The following TSG101 variants were observed in gnomAD, a reference collection of about 807,000 sequenced individuals.
TSG101 encodes tumor susceptibility 101.
TSG101 carries 19 observed loss-of-function variants against 48.5 expected under a neutral mutation model. The ratio of observed to expected loss-of-function variants is 0.39; its 90% confidence interval spans 0.27 to 0.58. The LOEUF is 0.58. Ranked by LOEUF, TSG101 falls within the 20% of genes least tolerant of loss-of-function variation. The pLI is 0.55. For synonymous variants in TSG101, 174 were observed against 169.4 expected (o/e 1.03, Z -0.21); for missense variants, 365 against 484.4 (o/e 0.75, Z 2.31).
intron 7 of TSG101, among the ~76,000 whole-genome samples, chr11:18,484,912 G>A (rs1407595623): frequency 2.1e-5 from 3 of 141,912 alleles, no homozygotes; most frequent in South Asian, 4.6e-4. Context: ...AGGACGTTAA[G>A]TATATTTAAC....
At chr11:18,498,145 C>T (rs1849813086) in intron 7 of TSG101, among the ~76,000 whole-genome samples, 2 of 151,972 alleles carry the variant, frequency 1.3e-5, no homozygotes, top group Admixed American at 1.3e-4. Context: ...GATCCATGCA[C>T]AGAAATAGGC....
chr11:18,519,180 T>C (rs1850228197), intron 2 of TSG101, among the ~76,000 whole-genome samples: 1 of 151,942 alleles, frequency 6.6e-6, no homozygotes, highest in Non-Finnish European at 1.5e-5. Flanking sequence ...CTTTAAGTAT[T>C]TTTTTGTTGA....
chr11:18,502,412 G>C lies in TSG101; in HGVS notation c.640+74C>G, dbSNP rs1015785453. The C allele has an allele frequency of 9.7e-6, 12 of 1,236,476 alleles. No individual in the cohort carries two copies. The South Asian group carries it at 1.7e-4, about 17-fold the overall frequency. The allele number at this position is 1,236,476 out of a possible 1,614,324, so 76.6% of individuals were successfully genotyped here. On this transcript the variant is annotated intron_variant, in intron 7 of 9. Transcript: ENST00000251968. ...AGAAAGAGTAGTCCAAAATTCACAA[G>C]TGAAATGTGCTTTTCACAACAGGGA...
chr11:18,525,982 G>A (rs1850366093), intron 1 of TSG101, among the ~76,000 whole-genome samples: 1 of 152,158 alleles, frequency 6.6e-6, no homozygotes, highest in African/African-American at 2.4e-5. Context: ...AACTGGTCAA[G>A]ACTCAACTCT....
chr11:18,520,030 T>A (rs1190285301), intron 1 of TSG101, among the ~76,000 whole-genome samples: 1 of 152,182 alleles, frequency 6.6e-6, no homozygotes, highest in Non-Finnish European at 1.5e-5. Flanking sequence ...ATTTTCACCA[T>A]CCCTAAAAAG....
intron 4 of TSG101, among the ~76,000 whole-genome samples, 194 bp from the exon 5 acceptor site, chr11:18,509,859 T>G (rs1156739780): frequency 6.6e-6 from 1 of 152,244 alleles, no homozygotes; most frequent in Non-Finnish European, 1.5e-5. Flanking sequence ...GCAAGGTTCT[T>G]GCTTCAAGTA....
chr11:18,482,322 C>T (rs569812774), intron 8 of TSG101, among the ~76,000 whole-genome samples: 8 of 152,282 alleles, frequency 5.3e-5, no homozygotes, highest in Non-Finnish European at 1.2e-4. Flanking sequence ...AAGTATCACA[C>T]GCAGGTGCTG....
rs937291096 is a variant in TSG101 at position 18,512,708 on chromosome 11, T to C, written c.357+1970A>G. On this transcript the variant is annotated intron_variant, in intron 4 of 9. Coordinates refer to ENST00000251968, the MANE Select transcript of TSG101 (RefSeq NM_006292.4). ...CAGTCAGGATCAGGGACTGAGCTGA[T>C]TGAAGGACAGACAGATTTTTTTTTT... is the stretch of plus-strand genomic sequence containing the variant. 2.5e-4 allele frequency among the ~76,000 whole-genome samples: 37 copies of C among 149,690 alleles called. 1 individual carries two copies. The highest frequency in any genetic ancestry group is 3.5e-3 in the Middle Eastern group (1 of 284).
At chr11:18,501,800 G>A (rs1849894612) in intron 7 of TSG101, among the ~76,000 whole-genome samples, 1 of 152,102 alleles carries the variant, frequency 6.6e-6, no homozygotes, top group African/African-American at 2.4e-5. Flanking sequence ...TTAGGGCATG[G>A]TTCTCTGTGC....
At chr11:18,519,657 C>G (rs1342577251) in intron 1 of TSG101, 54 bp from the exon 2 acceptor site, 15 of 1,313,282 alleles carry the variant, frequency 1.1e-5, no homozygotes, top group Non-Finnish European at 1.5e-5. Flanking sequence ...ATATATTTTA[C>G]AGCTGGATGA....
chr11:18,496,514 A>G (rs1401005048), intron 7 of TSG101, among the ~76,000 whole-genome samples: 1 of 149,102 alleles, frequency 6.7e-6, no homozygotes, highest in Non-Finnish European at 1.5e-5. Context: ...AAATAAATCT[A>G]CAGAGTGAAA....
chr11:18,497,072 C>A (rs1045238943), intron 7 of TSG101, among the ~76,000 whole-genome samples: 16 of 152,108 alleles, frequency 1.1e-4, no homozygotes, highest in African/African-American at 3.9e-4. Flanking sequence ...GCCTTGGCGA[C>A]AGAGCGAGTC....
intron 7 of TSG101, among the ~76,000 whole-genome samples, chr11:18,496,482 TAAAATAAAATAAAATA>T (rs1415179753): frequency 6.8e-6 from 1 of 147,594 alleles, no homozygotes; most frequent in Non-Finnish European, 1.5e-5. Context: ...TAAAATAAAA[TAAAATAAAATAAAATA>T]AAATAAAATA....
intron 1 of TSG101, 89 bp from the exon 2 acceptor site, chr11:18,519,692 A>G: frequency 2.2e-6 from 2 of 918,174 alleles, no homozygotes; most frequent in South Asian, 1.5e-5. Context: ...TCTTCCACTA[A>G]TTGTTAACAT....
intron 8 of TSG101, among the ~76,000 whole-genome samples, chr11:18,482,537 T>C (rs1565080266): frequency 1.3e-5 from 2 of 152,218 alleles, no homozygotes; most frequent in African/African-American, 4.8e-5. Context: ...CTCATGGGGA[T>C]GAAAATGGAG....
intron 2 of TSG101, among the ~76,000 whole-genome samples, chr11:18,516,781 A>G (rs569404332): frequency 6.6e-6 from 1 of 151,848 alleles, no homozygotes; most frequent in East Asian, 2.0e-4. Context: ...ATCTCTACTA[A>G]AAATACAAAA....
chr11:18,526,607 C>T (rs1216779855), intron 1 of TSG101, among the ~76,000 whole-genome samples, 168 bp downstream of exon 1: 1 of 152,246 alleles, frequency 6.6e-6, no homozygotes, highest in Non-Finnish European at 1.5e-5. Context: ...GGGATTCCCG[C>T]ACCAGGCGAC....
At chr11:18,517,171 A>C (rs574650845) in intron 2 of TSG101, among the ~76,000 whole-genome samples, 135 of 149,130 alleles carry the variant, frequency 9.1e-4, no homozygotes, top group African/African-American at 3.1e-3. Context: ...ACAGGCGTGC[A>C]CTACCATGCC....
intron 7 of TSG101, among the ~76,000 whole-genome samples, chr11:18,491,761 T>C (rs1195551143): frequency 1.3e-5 from 2 of 152,208 alleles, no homozygotes; most frequent in Admixed American, 6.5e-5. Context: ...GGTCCTTAAC[T>C]AAAGAGTATT....
Sources: allele counts gnomAD v4.1 joint callset (sites outside exome capture counted in the v4.1 genomes callset), GRCh38; gene constraint gnomAD v4.1.1; transcripts MANE v1.5; gene names NCBI Gene and HGNC (gene_info 2026-07-23, HGNC 2026-07-21).